Variants in NR5A2 observed in about 807,000 individuals in gnomAD.
The protein encoded by NR5A2 is nuclear receptor subfamily 5 group A member 2.
NR5A2 carries 26 observed loss-of-function variants against 62.7 expected under a neutral mutation model. The observed-to-expected ratio is 0.41, with a 90% confidence interval of 0.30 to 0.58. The LOEUF (loss-of-function observed/expected upper bound fraction) is 0.58. NR5A2 is among the 20% of genes least tolerant of loss of function. The pLI is 0.22. For synonymous variants in NR5A2, 246 were observed against 241.7 expected (o/e 1.02, Z -0.16); for missense variants, 541 against 669.1 (o/e 0.81, Z 2.11).
intron 7 of NR5A2, among the ~76,000 whole-genome samples, chr1:200,136,213 T>A (rs1667212455): frequency 6.6e-6 from 1 of 151,928 alleles, no homozygotes. Context: ...AGCTCTTCAC[T>A]TTTTTCTTTC....
Position 200,094,158 on chromosome 1 carries a change from G to C in NR5A2, c.1111-17044G>C, listed in dbSNP as rs1664953584. ...CACTCCAGCCTGGGCAACAGAGTGA[G>C]ACGCTGTCTCAAAAAAAAAATTGGT... On this transcript the variant is annotated intron_variant, in intron 5 of 7. Transcript: ENST00000367362. Among the ~76,000 whole-genome samples, 4 of 150,502 alleles carry C rather than the reference G, an allele frequency of 2.7e-5. No individual in the cohort carries two copies. In the South Asian group the frequency reaches 8.5e-4, roughly 32 times the overall value.
intron 5 of NR5A2, among the ~76,000 whole-genome samples, chr1:200,056,524 C>T (rs1571725531): frequency 6.6e-6 from 1 of 152,316 alleles, no homozygotes; most frequent in South Asian, 2.1e-4. Context: ...CAATCCTGAT[C>T]TGTTTTTGTC....
chr1:200,053,569 GCACACACACACACACA>G (rs34611924), intron 5 of NR5A2, among the ~76,000 whole-genome samples: 6 of 141,994 alleles, frequency 4.2e-5, no homozygotes, highest in African/African-American at 1.1e-4. Context: ...GCATGCACAC[GCACACACACACACACA>G]CACACACACA....
At chr1:200,120,661 C>T (rs938446717) in intron 6 of NR5A2, 147 bp from the exon 7 acceptor site, 12 of 803,884 alleles carry the variant, frequency 1.5e-5, no homozygotes, top group Non-Finnish European at 1.9e-5. Flanking sequence ...AGTTCAAGAC[C>T]AGTCTGGTCA....
At chr1:200,104,139 T>C (rs981125936) in intron 5 of NR5A2, among the ~76,000 whole-genome samples, 1 of 152,204 alleles carries the variant, frequency 6.6e-6, no homozygotes, top group Non-Finnish European at 1.5e-5. Context: ...CTTTGTATTA[T>C]GGAACAGCAG....
rs373836818 is a variant in NR5A2 at position 200,065,735 on chromosome 1, G to A, written c.1110+16917G>A. ...TGGGAAGAAACAAGTGAGGAGGAAGGGAGCAGTTAGAGGGGTTCAGAGAAG... is the reference window on the plus strand; with the variant it reads ...TGGGAAGAAACAAGTGAGGAGGAAGAGAGCAGTTAGAGGGGTTCAGAGAAG... On this transcript the variant is annotated intron_variant, in intron 5 of 7. Coordinates refer to ENST00000367362, the MANE Select transcript of NR5A2 (RefSeq NM_205860.3). Among the ~76,000 whole-genome samples, 40 of 152,258 alleles carry A rather than the reference G, an allele frequency of 2.6e-4. 1 individual carries two copies. The East Asian group carries it at 7.7e-3, about 29-fold the overall frequency.
intron 7 of NR5A2, among the ~76,000 whole-genome samples, chr1:200,149,991 T>C (rs1240852204): frequency 6.6e-6 from 1 of 152,198 alleles, no homozygotes; most frequent in South Asian, 2.1e-4. Flanking sequence ...ATATCACTTA[T>C]GTAAAGCGTA....
At chr1:200,053,569 G>GCGCGCACACACA (rs374944913) in intron 5 of NR5A2, among the ~76,000 whole-genome samples, 60 of 142,102 alleles carry the variant, frequency 4.2e-4, no homozygotes, top group African/African-American at 1.2e-3. Flanking sequence ...GCATGCACAC[G>GCGCGCACACACA]CACACACACA....
At chr1:200,053,573 A>ATG (rs1662764969) in intron 5 of NR5A2, among the ~76,000 whole-genome samples, 1 of 137,474 alleles carries the variant, frequency 7.3e-6, no homozygotes, top group African/African-American at 2.9e-5. Context: ...GCACACGCAC[A>ATG]CACACACACA....
intron 7 of NR5A2, among the ~76,000 whole-genome samples, chr1:200,153,655 T>C (rs1234844810): frequency 6.6e-6 from 1 of 152,072 alleles, no homozygotes; most frequent in Non-Finnish European, 1.5e-5. Context: ...TTTAATACAT[T>C]TTTTAAAACA....
At chr1:200,139,648 T>A (rs1667365678) in intron 7 of NR5A2, among the ~76,000 whole-genome samples, 1 of 152,270 alleles carries the variant, frequency 6.6e-6, no homozygotes, top group Non-Finnish European at 1.5e-5. Flanking sequence ...ATTTTATTCA[T>A]CTAATTTTCA....
Position 200,045,514 on chromosome 1 carries a change from C to T in NR5A2, c.393C>T (p.Asp131=). The T allele has an allele frequency of 1.2e-6, 2 of 1,613,150 alleles. No homozygotes were observed. The highest frequency in any genetic ancestry group is 8.5e-7 in the Non-Finnish European group (1 of 1,179,348). The change falls in exon 4 of 8, where the codon GAC becomes GAT. Residue 131 remains aspartate (D), a synonymous_variant. Transcript: ENST00000367362. ...TCIENQNCQI[D]KTQRKRCPYC... ...TAGAAAACCAGAACTGCCAAATTGA[C>T]AAAACACAGAGAAAGCGTTGTCCTT... is the stretch of plus-strand genomic sequence containing the variant.
chr1:200,158,914 T>TC (rs1298892265), intron 7 of NR5A2, among the ~76,000 whole-genome samples: 1 of 151,612 alleles, frequency 6.6e-6, no homozygotes, highest in Admixed American at 6.6e-5. Flanking sequence ...TTTTTTTTTT[T>TC]CCTAATAGGG....
chr1:200,167,661 C>T (rs547379227), intron 7 of NR5A2, among the ~76,000 whole-genome samples: 7 of 152,344 alleles, frequency 4.6e-5, no homozygotes, highest in Non-Finnish European at 1.0e-4. Context: ...GACCATCTGA[C>T]ATGCAGCACT....
intron 5 of NR5A2, among the ~76,000 whole-genome samples, chr1:200,052,355 T>A (rs750694363): frequency 1.3e-5 from 2 of 152,214 alleles, no homozygotes; most frequent in Non-Finnish European, 2.9e-5. Flanking sequence ...AATTTGATTT[T>A]AATTATTTTT....
intron 5 of NR5A2, among the ~76,000 whole-genome samples, chr1:200,066,588 C>CTTTTTTTTT (rs756874909): frequency 0.072 from 8,136 of 112,372 alleles, 1,018 homozygotes; most frequent in African/African-American, 0.11. Flanking sequence ...AATTAATTAT[C>CTTTTTTTTT]TTTTTTTTTT....
At chr1:200,149,216 G>A (rs1343725902) in intron 7 of NR5A2, among the ~76,000 whole-genome samples, 2 of 152,282 alleles carry the variant, frequency 1.3e-5, no homozygotes, top group South Asian at 2.1e-4. Context: ...CCGGCCACAC[G>A]CAGTACACTT....
intron 5 of NR5A2, among the ~76,000 whole-genome samples, chr1:200,108,120 G>T (rs1197792526): frequency 6.6e-6 from 1 of 150,582 alleles, no homozygotes. Flanking sequence ...GTGTGTCAGG[G>T]TCTTGCTCTG....
rs1005539505 is a variant in NR5A2, at chr1:200,067,163, G to A, written c.1110+18345G>A. On this transcript the variant is annotated intron_variant, in intron 5 of 7. Transcript: ENST00000367362. ...TATCTATGCAGCCATAAAAAAGAAC[G>A]AGATCATGTCTTTTGCAGGAACATG... Among the ~76,000 whole-genome samples, 6 of 152,210 alleles carry A rather than the reference G, an allele frequency of 3.9e-5. No homozygotes were observed. The South Asian group carries it at 6.2e-4, about 16-fold the overall frequency.
Sources: allele counts gnomAD v4.1 joint callset (sites outside exome capture counted in the v4.1 genomes callset), GRCh38; gene constraint gnomAD v4.1.1; transcripts MANE v1.5; gene names NCBI Gene and HGNC (gene_info 2026-07-23, HGNC 2026-07-21).